NISCH: variants seen among roughly 807,000 people sequenced by gnomAD.
The protein encoded by NISCH is nischarin.
In NISCH, 55 loss-of-function variants were observed where a neutral mutation model predicts 138.4. The observed-to-expected ratio is 0.40, with a 90% confidence interval of 0.32 to 0.50. The LOEUF (loss-of-function observed/expected upper bound fraction) is 0.50. Among genes scored for constraint, NISCH ranks in the 20% least tolerant of loss-of-function variants. NISCH has a pLI of 0.71. For synonymous variants in NISCH, 860 were observed against 861.5 expected (o/e 1.00, Z 0.03); for missense variants, 1,643 against 2,005.5 (o/e 0.82, Z 3.45).
At chr3:52,456,519 C>T (rs979860961) in intron 1 of NISCH, among the ~76,000 whole-genome samples, 1 of 152,176 alleles carries the variant, frequency 6.6e-6, no homozygotes, top group Admixed American at 6.5e-5. Flanking sequence ...GCCTGGTGGG[C>T]TGCCTGGCAA....
At chr3:52,483,489 G>A (rs1281250991) in intron 13 of NISCH, among the ~76,000 whole-genome samples, 1 of 152,220 alleles carries the variant, frequency 6.6e-6, no homozygotes, top group African/African-American at 2.4e-5. Flanking sequence ...GTGATCTGAG[G>A]TGGAGTAACA....
Position 52,458,799 on chromosome 3 carries a change from C to T in NISCH, c.315C>T (p.Gly105=), listed in dbSNP as rs200818525. ...AGAAGCTCCTGGCTGCCTTCCCTGG[C>T]GTGACCCCCAGAGTACTGGCCCACT... ...YLQKLLAAFP[G]VTPRVLAHFL... Residue 105 remains glycine, a synonymous_variant, in exon 3 of 21, where the codon GGC becomes GGT. Coordinates refer to ENST00000345716, the MANE Select transcript of NISCH (RefSeq NM_007184.4). 5.0e-6 allele frequency: 8 copies of T among 1,612,400 alleles called. No homozygotes were observed. The highest frequency in any genetic ancestry group is 1.3e-5 in the African/African-American group (1 of 74,832).
In NISCH at chr3:52,472,455, T is replaced by C. The variant is rs113071591; in HGVS notation, c.669+57T>C. On this transcript the variant is annotated intron_variant, in intron 6 of 20. Transcript: ENST00000345716. The stretch of plus-strand genomic sequence containing the variant: ...CTCCCAACTCAGAGGCTAGAGAGTG[T>C]TTGTGATGTTGGGTGTCCTAATTTA... The C allele has an allele frequency of 1.4e-4, 208 of 1,453,904 alleles. 1 individual carries two copies. Among genetic ancestry groups the C allele is most frequent in the Non-Finnish European group, 1.9e-4 (192 of 1,036,376 alleles). 90.1% of individuals were successfully genotyped at this position (1,453,904 alleles called of 1,614,324 possible).
At chr3:52,468,151 C>G (rs1706839528) in intron 3 of NISCH, among the ~76,000 whole-genome samples, 1 of 152,098 alleles carries the variant, frequency 6.6e-6, no homozygotes, top group Non-Finnish European at 1.5e-5. Context: ...CCTAGCTACT[C>G]AGGAGGCTGA....
intron 4 of NISCH, 68 bp downstream of exon 4, chr3:52,470,975 C>T: frequency 1.3e-6 from 2 of 1,541,902 alleles, no homozygotes; most frequent in Non-Finnish European, 1.8e-6. Flanking sequence ...GCCAGAGGCA[C>T]AGGATGGCAT....
At position 52,478,086 on chromosome 3, in the gene NISCH, C is replaced by T. The variant is rs200991676; in HGVS notation, c.988-11C>T. Reference sequence around the variant, plus strand: ...CTGAGCCACTTTACGCTGTTCTCCACGCCGCTGCAGCACCTGTATAACCTT... The same window carrying T: ...CTGAGCCACTTTACGCTGTTCTCCATGCCGCTGCAGCACCTGTATAACCTT... On this transcript the variant is annotated splice_polypyrimidine_tract_variant and intron_variant, in intron 9 of 20. Transcript: ENST00000345716. The T allele has an allele frequency of 1.2e-4, 196 of 1,612,736 alleles. No homozygotes were observed. In the Middle Eastern group the frequency reaches 3.9e-3, roughly 32 times the overall value.
At chr3:52,467,435 G>T (rs2159607) in intron 3 of NISCH, among the ~76,000 whole-genome samples, 124,520 of 152,194 alleles carry the variant, frequency 0.82, 51,240 homozygotes, top group East Asian at 0.98. Flanking sequence ...CTCCTGGCGT[G>T]GGGAGGCCTG....
intron 11 of NISCH, 32 bp from the exon 12 acceptor site, chr3:52,479,717 C>G (rs1390164453): frequency 6.7e-7 from 1 of 1,495,294 alleles, no homozygotes. Flanking sequence ...TCACCAGTCC[C>G]CATGCTGATA....
intron 4 of NISCH, 138 bp from the exon 5 acceptor site, chr3:52,471,676 G>A: frequency 1.1e-6 from 1 of 952,178 alleles, no homozygotes; most frequent in South Asian, 1.5e-5. Context: ...AGCAGCTCCT[G>A]CATGCCCAGG....
rs1707447533 is a variant in NISCH, at chr3:52,487,854, G to A, written c.2362G>A (p.Glu788Lys). ...TCTGGTGCTCAAGGTACGGCACAGT[G>A]AGAACACGCTCTTCATTATCTCGGA... ...LCLVLKVRHS[E>K]NTLFIISDAA... is the part of the protein sequence containing the mutation. The change falls in exon 16 of 21, where the codon GAG becomes AAG. Residue 788 changes from glutamate (E) to lysine (K), a missense_variant. Transcript: ENST00000345716. This position sits in a 1 kb window ranked among gnomAD's most constrained non-coding sequence, Gnocchi z 9.1. 6.2e-7 allele frequency: 1 copy of A among 1,612,740 alleles called. No homozygotes were observed. Among genetic ancestry groups the A allele is most frequent in the Non-Finnish European group, 8.5e-7 (1 of 1,179,870 alleles).
chr3:52,456,360 C>T (rs1177338423), intron 1 of NISCH, among the ~76,000 whole-genome samples: 4 of 152,082 alleles, frequency 2.6e-5, no homozygotes, highest in Non-Finnish European at 5.9e-5. Flanking sequence ...AGCGCAGGCC[C>T]TATAAGCCTT....
At position 52,478,139 on chromosome 3, in the gene NISCH, C is replaced by T; in HGVS notation, c.1030C>T (p.Leu344Phe). ...LVHLDLSYNK[L>F]SSLEGLHTKL... ...GCATCTGGACCTGTCCTACAACAAG[C>T]TCTCCTCCTTGGAAGGGCTTCACAC... Residue 344 changes from leucine to phenylalanine, a missense_variant, in exon 10 of 21, where the codon CTC (leucine) becomes TTC (phenylalanine). Coordinates refer to ENST00000345716, the MANE Select transcript of NISCH (RefSeq NM_007184.4). The T allele has an allele frequency of 1.2e-6, 2 of 1,614,146 alleles. No homozygotes were observed. Among genetic ancestry groups the T allele is most frequent in the African/African-American group, 1.3e-5 (1 of 75,044 alleles).
At chr3:52,471,591 C>T (rs1190082932) in intron 4 of NISCH, 2 of 580,312 alleles carry the variant, frequency 3.4e-6, no homozygotes, top group Non-Finnish European at 6.1e-6. Flanking sequence ...CCCAGCCTCA[C>T]AGCCCCACAG....
Position 52,491,989 on chromosome 3 carries a change from A to G in NISCH, c.4022A>G (p.Lys1341Arg). ...GCCCAAAAGATGGCTGAGCCAGAGA[A>G]GGCCCCAGCCCTCAGCATCCTGCTG... ...TVAQKMAEPE[K>R]APALSILLYV... is the part of the protein sequence containing the mutation. Residue 1341 changes from lysine to arginine, a missense_variant, in exon 21 of 21, where the codon AAG becomes AGG. Lys to Arg is a conservative substitution (Grantham distance 26, BLOSUM62 2). Coordinates refer to ENST00000345716, the MANE Select transcript of NISCH (RefSeq NM_007184.4). The G allele has an allele frequency of 1.9e-6, 3 of 1,613,490 alleles. No homozygotes were observed. The highest frequency in any genetic ancestry group is 1.7e-6 in the Non-Finnish European group (2 of 1,180,014).
chr3:52,470,776 A>G, intron 3 of NISCH, 83 bp from the exon 4 acceptor site: 1 of 1,125,466 alleles, frequency 8.9e-7, no homozygotes, highest in East Asian at 2.3e-5. Context: ...CTGGCACAAC[A>G]GAGGGGATAG....
At chr3:52,484,462 T>TGGGGGCCCCC in intron 13 of NISCH, 51 bp from the exon 14 acceptor site, 5 of 788,670 alleles carry the variant, frequency 6.3e-6, no homozygotes, top group East Asian at 3.5e-5. Flanking sequence ...ACAGCCGCTC[T>TGGGGGCCCCC]CCCCGCCCCA....
chr3:52,490,270 G>T, intron 18 of NISCH, 39 bp downstream of exon 18: 1 of 1,604,564 alleles, frequency 6.2e-7, no homozygotes. Flanking sequence ...AGCTTGGAGT[G>T]TGTGGTTGGG....
rs778151467 is a variant in NISCH at position 52,487,214 on chromosome 3, G to A, written c.1722G>A (p.Pro574=). 31 of 1,613,784 alleles carry A rather than the reference G, an allele frequency of 1.9e-5. No homozygotes were observed. Among genetic ancestry groups the A allele is most frequent in the Non-Finnish European group, 2.4e-5 (28 of 1,179,970 alleles). ...VGGASPEHAE[P]EVQVVPGSGQ... ...TGCACAGCCCAGAACATGCCGAGCCGGAGGTCCAGGTGGTGCCGGGGTCTG... is the reference window on the plus strand; with the variant it reads ...TGCACAGCCCAGAACATGCCGAGCCAGAGGTCCAGGTGGTGCCGGGGTCTG... Residue 574 remains proline, a synonymous_variant, in exon 16 of 21, where the codon CCG becomes CCA. Transcript: ENST00000345716. The surrounding 1 kb of genome is among the most constrained non-coding windows in gnomAD (Gnocchi z 9.1).
chr3:52,481,581 A>G, intron 13 of NISCH: 2 of 985,584 alleles, frequency 2.0e-6, no homozygotes, highest in Non-Finnish European at 2.4e-6. Context: ...CTCTGGGGAC[A>G]GGGAGCTGCA....
Sources: allele counts gnomAD v4.1 joint callset (sites outside exome capture counted in the v4.1 genomes callset), GRCh38; gene constraint gnomAD v4.1.1; non-coding constraint Gnocchi (gnomAD v3.1); transcripts MANE v1.5; gene names NCBI Gene and HGNC (gene_info 2026-07-23, HGNC 2026-07-21).